The following BCAS4 variants were observed in gnomAD, a reference collection of about 807,000 sequenced individuals.
The protein encoded by BCAS4 is breast carcinoma amplified sequence 4.
In BCAS4, 9 loss-of-function variants were observed where a neutral mutation model predicts 15.7. The observed-to-expected ratio is 0.57, with a 90% CI of 0.34 to 1.00. BCAS4 has a LOEUF of 1.00. BCAS4 is among the 50% of genes least tolerant of loss of function. The pLI is 0.02. For synonymous variants in BCAS4, 101 were observed against 99.5 expected (o/e 1.02, Z -0.09); for missense variants, 225 against 239.1 (o/e 0.94, Z 0.39).
chr20:50,875,247 C>T (rs1182253407), intron 4 of BCAS4, among the ~76,000 whole-genome samples: 1 of 152,248 alleles, frequency 6.6e-6, no homozygotes, highest in African/African-American at 2.4e-5. Flanking sequence ...CCAGGTGGTT[C>T]TTGGTGACCT....
At chr20:50,853,718 G>GGGGGGTGTTTTGTGTACT (rs1978586781) in intron 4 of BCAS4, among the ~76,000 whole-genome samples, 1 of 11,740 alleles carries the variant, frequency 8.5e-5, no homozygotes, top group African/African-American at 4.2e-4. Flanking sequence ...TTTGTGTACT[G>GGGGGGTGTTTTGTGTACT]GGGGGTGTTT....
chr20:50,836,268 G>A (rs747654307), intron 3 of BCAS4, among the ~76,000 whole-genome samples: 19 of 152,168 alleles, frequency 1.2e-4, no homozygotes, highest in Non-Finnish European at 2.5e-4. Flanking sequence ...ATAAAACTGA[G>A]GGACCTGCTG....
At chr20:50,803,747 C>T (rs984904051) in intron 1 of BCAS4, among the ~76,000 whole-genome samples, 2 of 148,826 alleles carry the variant, frequency 1.3e-5, no homozygotes, top group Non-Finnish European at 3.0e-5. Context: ...GAGCTGTGAT[C>T]GCACCACTGT....
intron 2 of BCAS4, among the ~76,000 whole-genome samples, chr20:50,822,872 C>G (rs1600861341): frequency 2.0e-5 from 3 of 151,716 alleles, no homozygotes; most frequent in African/African-American, 7.2e-5. Context: ...AGTGATCCAC[C>G]CGCCTCAGCC....
chr20:50,823,638 A>G (rs953072569), intron 2 of BCAS4, among the ~76,000 whole-genome samples: 1 of 152,216 alleles, frequency 6.6e-6, no homozygotes. Flanking sequence ...CCTGGGCAAC[A>G]TAGGGAGACC....
At chr20:50,868,922 C>T (rs1164013232) in intron 4 of BCAS4, among the ~76,000 whole-genome samples, 3 of 152,212 alleles carry the variant, frequency 2.0e-5, no homozygotes, top group Non-Finnish European at 4.4e-5. Flanking sequence ...GCCCGTTGAG[C>T]TGACAGGGCG....
chr20:50,862,399 C>A (rs1281447498), intron 4 of BCAS4, among the ~76,000 whole-genome samples: 1 of 152,178 alleles, frequency 6.6e-6, no homozygotes, highest in South Asian at 2.1e-4. Flanking sequence ...TTCCCCAGAC[C>A]TTGAAAACCA....
chr20:50,805,263 A>G (rs193279790), intron 1 of BCAS4, among the ~76,000 whole-genome samples: 3 of 152,074 alleles, frequency 2.0e-5, no homozygotes, highest in African/African-American at 4.8e-5. Context: ...AACCCCCACC[A>G]CGAATCTCCT....
At chr20:50,877,286 C>T (rs1010645198), downstream of BCAS4, 1 of 152,330 alleles carries the variant, frequency 6.6e-6, no homozygotes, top group East Asian at 1.9e-4. Context: ...TGATCCTGGG[C>T]ACCTGCTGAT....
At chr20:50,861,164 G>A (rs1240841900) in intron 4 of BCAS4, among the ~76,000 whole-genome samples, 1 of 152,278 alleles carries the variant, frequency 6.6e-6, no homozygotes, top group East Asian at 1.9e-4. Context: ...GAGGCCCAGA[G>A]GTGGGAGGTC....
intron 1 of BCAS4, among the ~76,000 whole-genome samples, chr20:50,807,635 A>G (rs1227384089): frequency 1.3e-5 from 2 of 152,206 alleles, no homozygotes; most frequent in Non-Finnish European, 2.9e-5. Context: ...ATGGCACCCA[A>G]TGTGCAGTCT....
At chr20:50,864,923 G>T (rs968541580) in intron 4 of BCAS4, among the ~76,000 whole-genome samples, 1 of 151,248 alleles carries the variant, frequency 6.6e-6, no homozygotes, top group Non-Finnish European at 1.5e-5. Context: ...GTGAAACCCC[G>T]TCTCTACTAA....
intron 1 of BCAS4, among the ~76,000 whole-genome samples, chr20:50,796,368 C>CAA (rs573554371): frequency 1.0e-4 from 11 of 105,784 alleles, no homozygotes; most frequent in South Asian, 3.2e-4. Flanking sequence ...AACTCCCTCT[C>CAA]AAAAAAAAAA....
At chr20:50,846,804 G>C (rs1452351785) in intron 4 of BCAS4, 1 of 151,932 alleles carries the variant, frequency 6.6e-6, no homozygotes, top group Non-Finnish European at 1.5e-5. Flanking sequence ...AGTAGAGACA[G>C]GGTTTTGCCA....
At chr20:50,812,378 C>T (rs927363838) in intron 1 of BCAS4, among the ~76,000 whole-genome samples, 3 of 121,322 alleles carry the variant, frequency 2.5e-5, no homozygotes, top group African/African-American at 3.5e-5. Flanking sequence ...TGTGATCCGC[C>T]CCCCCTTGGC....
intron 1 of BCAS4, among the ~76,000 whole-genome samples, chr20:50,803,372 C>T (rs867197601): frequency 1.3e-5 from 2 of 152,038 alleles, no homozygotes; most frequent in Non-Finnish European, 2.9e-5. Flanking sequence ...TGTGTGCTGC[C>T]GTTTTCTGTA....
intron 1 of BCAS4, among the ~76,000 whole-genome samples, chr20:50,797,868 T>C (rs926962027): frequency 6.6e-6 from 1 of 151,728 alleles, no homozygotes; most frequent in African/African-American, 2.4e-5. Context: ...TTCCTCCATG[T>C]TGGTCAGGCT....
At chr20:50,808,536 TG>T (rs2088022325) in intron 1 of BCAS4, among the ~76,000 whole-genome samples, 1 of 152,242 alleles carries the variant, frequency 6.6e-6, no homozygotes, top group African/African-American at 2.4e-5. Context: ...TTTGATTTTT[TG>T]ATTATAGCCA....
rs570332652 is a variant in BCAS4, at chr20:50,818,195, A to G, written c.91-16A>G. On this transcript the variant is annotated splice_polypyrimidine_tract_variant and intron_variant, in intron 1 of 4. Coordinates refer to ENST00000371608, the MANE Select transcript of BCAS4 (RefSeq NM_198799.4). Reference sequence around the variant, plus strand: ...GAAACCACTTGCTAATCTCCAGGATATCGTCTCTTTTTCAGGCGAAGGAGG... The same window carrying G: ...GAAACCACTTGCTAATCTCCAGGATGTCGTCTCTTTTTCAGGCGAAGGAGG... 1.5e-5 allele frequency: 24 copies of G among 1,612,960 alleles called. No individual in the cohort carries two copies. The highest frequency in any genetic ancestry group is 1.9e-5 in the Non-Finnish European group (22 of 1,179,526).
Sources: allele counts gnomAD v4.1 joint callset (sites outside exome capture counted in the v4.1 genomes callset), GRCh38; gene constraint gnomAD v4.1.1; transcripts MANE v1.5; gene names NCBI Gene and HGNC (gene_info 2026-07-23, HGNC 2026-07-21).